The following RCOR1 variants were observed in gnomAD, a reference collection of about 807,000 sequenced individuals.
RCOR1 encodes the protein REST corepressor 1, also known as REST corepressor.
In RCOR1, 12 loss-of-function variants were observed where a neutral mutation model predicts 64.0. The ratio of observed to expected loss-of-function variants is 0.19; its 90% CI spans 0.12 to 0.30. The LOEUF is 0.30. RCOR1 is among the 10% of genes least tolerant of loss of function. The pLI, the probability that RCOR1 is intolerant of heterozygous loss-of-function variation, is 1.00. For missense variants in RCOR1, 502 were observed against 621.2 expected (o/e 0.81, Z 2.04); for synonymous variants, 279 against 227.2 (o/e 1.23, Z -2.05).
intron 2 of RCOR1, among the ~76,000 whole-genome samples, chr14:102,608,420 TG>T (rs1240775505): frequency 2.6e-5 from 4 of 152,162 alleles, no homozygotes; most frequent in South Asian, 2.1e-4. Context: ...TTTGTGTTGT[TG>T]TTTTTTTTGT....
chr14:102,592,869 C>T lies in RCOR1; in HGVS notation c.-18C>T, dbSNP rs1297222644. On this transcript the variant is annotated 5_prime_UTR_variant, in exon 1 of 12. The change creates a new upstream start codon in the 5' untranslated region. Coordinates refer to ENST00000262241, the MANE Select transcript of RCOR1 (RefSeq NM_015156.4). The stretch of plus-strand genomic sequence containing the variant: ...GCCGCGGGTCCCCGCCACTTTCGCA[C>T]GGCCCCGGCCCCCGCCGATGCCGGC... 8.4e-7 allele frequency: 1 copy of T among 1,185,922 alleles called. No homozygotes were observed. Among genetic ancestry groups the T allele is most frequent in the Non-Finnish European group, 1.0e-6 (1 of 960,446 alleles). The allele number at this position is 1,185,922 out of a possible 1,614,324, so 73.5% of individuals were successfully genotyped here. A position where few individuals can be genotyped will look rare whatever the true frequency, so the allele number is the denominator to read the frequency against.
At chr14:102,657,837 CAAAAAAAAAAA>C in intron 2 of RCOR1, 3 of 841,776 alleles carry the variant, frequency 3.6e-6, no homozygotes, top group Non-Finnish European at 4.1e-6. Flanking sequence ...GACTCCGTCT[CAAAAAAAAAAA>C]AAAAAAAAAA....
chr14:102,595,930 TGTAAA>T (rs200128514), intron 2 of RCOR1, among the ~76,000 whole-genome samples: 1,534 of 152,138 alleles, frequency 0.01, 15 homozygotes, highest in Admixed American at 0.015. Context: ...ATCTAACTGG[TGTAAA>T]GTAATTTCAA....
chr14:102,619,473 C>CTT (rs35488660), intron 2 of RCOR1, among the ~76,000 whole-genome samples: 250 of 131,102 alleles, frequency 1.9e-3, no homozygotes, highest in Non-Finnish European at 2.1e-3. Flanking sequence ...TCTATCTAAT[C>CTT]TTTTTTTTTT....
chr14:102,629,208 CGT>C (rs1894050614), intron 2 of RCOR1, among the ~76,000 whole-genome samples: 1 of 152,174 alleles, frequency 6.6e-6, no homozygotes, highest in African/African-American at 2.4e-5. Context: ...ATTCTTGCCA[CGT>C]GTACTGAAAT....
At chr14:102,622,972 A>G (rs1246087738) in intron 2 of RCOR1, among the ~76,000 whole-genome samples, 2 of 152,132 alleles carry the variant, frequency 1.3e-5, no homozygotes, top group Non-Finnish European at 2.9e-5. Context: ...TGCTTTGTCT[A>G]ATATCAGTAT....
At chr14:102,599,803 GTTTTGTT>G (rs967816316) in intron 2 of RCOR1, among the ~76,000 whole-genome samples, 13 of 93,840 alleles carry the variant, frequency 1.4e-4, no homozygotes, top group African/African-American at 4.2e-4. Flanking sequence ...GTTTTGTTTT[GTTTTGTT>G]TTTTTTTTTT....
chr14:102,676,336 G>C (rs542790021), intron 2 of RCOR1, among the ~76,000 whole-genome samples: 8 of 140,808 alleles, frequency 5.7e-5, no homozygotes, highest in East Asian at 2.2e-4. Flanking sequence ...GGCCGGGCGG[G>C]GGGCTGACCC....
chr14:102,597,538 A>G (rs1006098346), intron 2 of RCOR1, among the ~76,000 whole-genome samples: 5 of 150,206 alleles, frequency 3.3e-5, no homozygotes, highest in African/African-American at 1.2e-4. Context: ...CTTGTTGGCC[A>G]GGCTGGTCTC....
At chr14:102,707,799 T>C (rs998822381) in intron 5 of RCOR1, among the ~76,000 whole-genome samples, 1 of 141,918 alleles carries the variant, frequency 7.0e-6, no homozygotes, top group Non-Finnish European at 1.6e-5. Context: ...ACGAAGGACT[T>C]TTTTTTTTTA....
intron 2 of RCOR1, chr14:102,649,668 A>T: frequency 2.8e-6 from 1 of 360,578 alleles, no homozygotes; most frequent in Non-Finnish European, 3.9e-6. Context: ...TAAGACCTCC[A>T]CTGAAGCAGT....
chr14:102,709,174 C>T (rs900696725), intron 6 of RCOR1, among the ~76,000 whole-genome samples: 5 of 152,168 alleles, frequency 3.3e-5, no homozygotes, highest in African/African-American at 1.2e-4. Context: ...CTGAAGATTC[C>T]ACTTACATGC....
At chr14:102,710,097 G>A (rs1233714453) in intron 6 of RCOR1, among the ~76,000 whole-genome samples, 5 of 152,142 alleles carry the variant, frequency 3.3e-5, no homozygotes, top group Admixed American at 1.3e-4. Context: ...TCCCTTAGCC[G>A]AAGGCTCTTT....
intron 2 of RCOR1, chr14:102,629,984 C>T: frequency 1.0e-6 from 1 of 975,390 alleles, no homozygotes; most frequent in Non-Finnish European, 1.2e-6. Flanking sequence ...GAGATGCCTC[C>T]TTATTTTGTG....
At chr14:102,609,025 CT>C (rs1004210046) in intron 2 of RCOR1, among the ~76,000 whole-genome samples, 3,471 of 107,028 alleles carry the variant, frequency 0.032, 49 homozygotes, top group East Asian at 0.085. Context: ...CTGTGCTTCA[CT>C]TTTTTTTTTT....
chr14:102,664,630 C>CT (rs1200970117), intron 2 of RCOR1, among the ~76,000 whole-genome samples: 1 of 152,184 alleles, frequency 6.6e-6, no homozygotes, highest in African/African-American at 2.4e-5. Flanking sequence ...GGTTCTCAAA[C>CT]TTGTCGGTCT....
intron 2 of RCOR1, among the ~76,000 whole-genome samples, chr14:102,678,819 AGC>A (rs1356541643): frequency 6.6e-6 from 1 of 152,224 alleles, no homozygotes; most frequent in Non-Finnish European, 1.5e-5. Flanking sequence ...TATTTTAGAC[AGC>A]CTAACAGGTA....
chr14:102,705,543 C>G (rs945548753), intron 4 of RCOR1, among the ~76,000 whole-genome samples: 8 of 152,150 alleles, frequency 5.3e-5, no homozygotes, highest in African/African-American at 1.9e-4. Flanking sequence ...CCCCTGGGCT[C>G]AGTCAAGCAG....
chr14:102,664,143 C>T (rs368946432), intron 2 of RCOR1, among the ~76,000 whole-genome samples: 15 of 152,086 alleles, frequency 9.9e-5, no homozygotes, highest in African/African-American at 2.7e-4. Flanking sequence ...AGTCTCACTC[C>T]GTCACCCGCT....
Sources: gnomAD v4.1 joint callset for allele counts (sites outside exome capture counted in the v4.1 genomes callset) on GRCh38, gnomAD v4.1.1 for gene constraint, MANE v1.5 for transcripts, NCBI Gene and HGNC (gene_info 2026-07-23, HGNC 2026-07-21) for gene names.